ROBO1: variants seen among roughly 807,000 people sequenced by gnomAD.
ROBO1 encodes the protein roundabout homolog 1.
In ROBO1, 149 loss-of-function variants were observed where a neutral mutation model predicts 195.9. The observed-to-expected ratio is 0.76, with a 90% CI of 0.67 to 0.87. The LOEUF (loss-of-function observed/expected upper bound fraction) is 0.87, where lower values mean the gene tolerates loss of function less well. ROBO1 is among the 40% of genes least tolerant of loss of function. The pLI is 0.00. For synonymous variants in ROBO1, 816 were observed against 733.2 expected (o/e 1.11, Z -1.82); for missense variants, 1,933 against 2,068.3 (o/e 0.93, Z 1.27).
chr3:78,668,135 T>C lies in ROBO1; in HGVS notation c.1798A>G (p.Ser600Gly). ...TPTSYIIEAF[S>G]HASGSSWQTV... ...TAGGAAGCATCTCCTTCACTCTACC[T>C]GAAGGCTTCTATAATATAAGATGTT... The change falls in exon 13 of 31, where the codon AGC becomes GGC. Residue 600 changes from serine (S) to glycine (G), a missense_variant and splice_region_variant. Ser to Gly is a moderately conservative substitution (Grantham distance 56). Around this residue, in one of 3 missense-constraint regions of ROBO1, gnomAD observed 1,737 missense variants for 1,882.5 expected, o/e 0.92. Coordinates refer to ENST00000464233, the MANE Select transcript of ROBO1 (RefSeq NM_002941.4). The C allele has an allele frequency of 6.2e-7, 1 of 1,613,410 alleles. No individual in the cohort carries two copies. The highest frequency in any genetic ancestry group is 8.5e-7 in the Non-Finnish European group (1 of 1,179,646).
chr3:79,291,530 C>T (rs2032247327), intron 2 of ROBO1, among the ~76,000 whole-genome samples: 2 of 152,166 alleles, frequency 1.3e-5, no homozygotes, highest in African/African-American at 4.8e-5. Context: ...TGTTATAACG[C>T]TTACCAGATA....
At chr3:78,776,917 A>C (rs333477) in intron 4 of ROBO1, among the ~76,000 whole-genome samples, 2 of 152,174 alleles carry the variant, frequency 1.3e-5, no homozygotes, top group South Asian at 2.1e-4. Flanking sequence ...AAATTATACA[A>C]GACACACTTA....
chr3:79,424,693 A>G lies in ROBO1; in HGVS notation c.88+165131T>C, dbSNP rs189789625. Among the ~76,000 whole-genome samples the G allele has an allele frequency of 1.4e-3, 208 of 152,242 alleles. 1 individual carries two copies. Among genetic ancestry groups the G allele is most frequent in the African/African-American group, 4.7e-3 (194 of 41,550 alleles). On this transcript the variant is annotated intron_variant, in intron 2 of 30. Transcript: ENST00000464233. ...TCCCCAAGACCATAGCCCCTGAAAA[A>G]GGAGTAATATTAAGAAGCAATGTAT... is the stretch of plus-strand genomic sequence containing the variant.
intron 3 of ROBO1, among the ~76,000 whole-genome samples, chr3:78,981,336 C>T (rs2076985944): frequency 6.6e-6 from 1 of 152,170 alleles, no homozygotes; most frequent in African/African-American, 2.4e-5. Context: ...CCATCACCCT[C>T]TTACATGACT....
chr3:79,294,226 G>A (rs541426541), intron 2 of ROBO1, among the ~76,000 whole-genome samples: 1 of 152,178 alleles, frequency 6.6e-6, no homozygotes, highest in Admixed American at 6.5e-5. Flanking sequence ...AACCAAAACA[G>A]CATGGTATTG....
At chr3:79,502,267 G>C (rs9817158) in intron 2 of ROBO1, among the ~76,000 whole-genome samples, 2 of 152,038 alleles carry the variant, frequency 1.3e-5, no homozygotes, top group African/African-American at 4.8e-5. Flanking sequence ...GGAGATGCGC[G>C]GGCGGGAACC....
intron 4 of ROBO1, among the ~76,000 whole-genome samples, chr3:78,873,458 A>C (rs957122267): frequency 1.3e-5 from 2 of 152,122 alleles, no homozygotes; most frequent in Non-Finnish European, 2.9e-5. Flanking sequence ...CATGAATTCC[A>C]ATTTTTTTTT....
At chr3:79,716,963 A>C (rs1463888549) in intron 1 of ROBO1, among the ~76,000 whole-genome samples, 2 of 151,994 alleles carry the variant, frequency 1.3e-5, no homozygotes, top group African/African-American at 4.8e-5. Flanking sequence ...CAAAGAAGTA[A>C]CTACATACCT....
At chr3:78,788,332 A>G (rs1415547517) in intron 4 of ROBO1, among the ~76,000 whole-genome samples, 2 of 146,930 alleles carry the variant, frequency 1.4e-5, no homozygotes, top group Non-Finnish European at 3.0e-5. Context: ...GTTAGCCAGG[A>G]TGGTCTCGAT....
At chr3:78,690,820 G>A (rs1324259058) in intron 8 of ROBO1, among the ~76,000 whole-genome samples, 1 of 152,060 alleles carries the variant, frequency 6.6e-6, no homozygotes, top group African/African-American at 2.4e-5. Context: ...AAAACTTCGG[G>A]TGGTCTCTTT....
chr3:79,219,464 G>A (rs951621238), intron 2 of ROBO1, among the ~76,000 whole-genome samples: 3 of 151,956 alleles, frequency 2.0e-5, no homozygotes, highest in Non-Finnish European at 4.4e-5. Flanking sequence ...TATGTTAACA[G>A]GATTAGCTAG....
At chr3:78,828,784 G>A (rs1370699257) in intron 4 of ROBO1, among the ~76,000 whole-genome samples, 1 of 152,170 alleles carries the variant, frequency 6.6e-6, no homozygotes, top group African/African-American at 2.4e-5. Flanking sequence ...AGAAATCTTG[G>A]TGTCTCCTGT....
chr3:79,128,569 A>C (rs2080260954), intron 2 of ROBO1, among the ~76,000 whole-genome samples: 1 of 152,148 alleles, frequency 6.6e-6, no homozygotes, highest in Non-Finnish European at 1.5e-5. Context: ...CTACAAATAA[A>C]CTCAAATGCT....
intron 3 of ROBO1, among the ~76,000 whole-genome samples, chr3:78,992,235 A>C (rs137863997): frequency 2.3e-3 from 354 of 152,280 alleles, no homozygotes; most frequent in African/African-American, 8.1e-3. Context: ...TTTCAGGTGA[A>C]AGTGATACCA....
chr3:78,645,747 A>G (rs1324353459), intron 21 of ROBO1, among the ~76,000 whole-genome samples: 2 of 152,154 alleles, frequency 1.3e-5, no homozygotes, highest in Non-Finnish European at 2.9e-5. Flanking sequence ...ATAAACAAAC[A>G]TAACCTACAA....
intron 4 of ROBO1, among the ~76,000 whole-genome samples, chr3:78,769,779 G>A (rs997930354): frequency 3.3e-5 from 5 of 152,112 alleles, no homozygotes; most frequent in Middle Eastern, 3.4e-3. Context: ...TGGTAATGGC[G>A]AATTCTCTCA....
chr3:78,995,876 T>C (rs1367387948), intron 3 of ROBO1, among the ~76,000 whole-genome samples: 1 of 151,552 alleles, frequency 6.6e-6, no homozygotes, highest in East Asian at 1.9e-4. Context: ...CAGGATCAGG[T>C]AGTTAAGTAA....
chr3:78,772,468 AG>A (rs1410001405), intron 4 of ROBO1, among the ~76,000 whole-genome samples: 2 of 152,140 alleles, frequency 1.3e-5, no homozygotes, highest in African/African-American at 4.8e-5. Flanking sequence ...ACAGGCAAAA[AG>A]AAAAGATATA....
At chr3:79,181,270 T>C (rs951880126) in intron 2 of ROBO1, among the ~76,000 whole-genome samples, 1 of 152,236 alleles carries the variant, frequency 6.6e-6, no homozygotes, top group African/African-American at 2.4e-5. Flanking sequence ...CCTCATGTAC[T>C]ACTAGATGGT....
Sources: allele counts gnomAD v4.1 joint callset (sites outside exome capture counted in the v4.1 genomes callset), GRCh38; gene constraint gnomAD v4.1.1; regional missense constraint gnomAD v4.1.1; transcripts MANE v1.5; gene names NCBI Gene and HGNC (gene_info 2026-07-23, HGNC 2026-07-21).